The following DUSP22 variants were observed in gnomAD, a reference collection of about 807,000 sequenced individuals.
DUSP22 encodes dual specificity protein phosphatase 22.
Under a neutral mutation model 24.5 loss-of-function variants are expected in DUSP22, and 24 were observed. The observed-to-expected ratio is 0.98, with a 90% CI of 0.71 to 1.38. DUSP22 has a LOEUF of 1.38. Ranked by LOEUF, DUSP22 falls within the 40% of genes most tolerant of loss-of-function variation. The pLI is 0.00. For synonymous variants in DUSP22, 160 were observed against 106.4 expected, an observed-to-expected ratio of 1.50 and a Z score of -3.10; for missense variants, 330 against 269.2, an observed-to-expected ratio of 1.23 and a Z score of -1.58.
chr6:302,124 A>G (rs574870654), intron 1 of DUSP22, among the ~76,000 whole-genome samples: 759 of 152,174 alleles, frequency 5.0e-3, no homozygotes, highest in Non-Finnish European at 8.5e-3. Context: ...GCCCTCCTCC[A>G]GGACCCCGCC....
intron 5 of DUSP22, among the ~76,000 whole-genome samples, chr6:347,618 A>T (rs1313214698): frequency 6.6e-6 from 1 of 152,312 alleles, no homozygotes; most frequent in East Asian, 1.9e-4. Context: ...AAGATTGGGT[A>T]AGGGCTTCTC....
chr6:344,726 G>C (rs1422824129), intron 4 of DUSP22, among the ~76,000 whole-genome samples: 1 of 152,308 alleles, frequency 6.6e-6, no homozygotes, highest in African/African-American at 2.4e-5. Context: ...GGCAAAGAGG[G>C]ATTGGAGCCA....
intron 1 of DUSP22, among the ~76,000 whole-genome samples, chr6:299,897 C>G (rs1440723006): frequency 6.6e-6 from 1 of 152,298 alleles, no homozygotes; most frequent in African/African-American, 2.4e-5. Context: ...AGGCTTCACT[C>G]ATCATCATTT....
chr6:294,046 A>G (rs975464185), intron 1 of DUSP22, among the ~76,000 whole-genome samples: 3 of 152,184 alleles, frequency 2.0e-5, no homozygotes, highest in African/African-American at 7.2e-5. Context: ...TGAGCTGTTC[A>G]CTCTCCACCG....
chr6:312,052 C>G, intron 3 of DUSP22, 90 bp downstream of exon 3: 3 of 1,341,772 alleles, frequency 2.2e-6, no homozygotes, highest in Middle Eastern at 3.7e-4. Flanking sequence ...CAGGTTCTCT[C>G]CAATGCGAAC....
intron 3 of DUSP22, among the ~76,000 whole-genome samples, chr6:323,246 G>GTT (rs1758695148): frequency 6.6e-6 from 1 of 151,660 alleles, no homozygotes; most frequent in Admixed American, 6.6e-5. Context: ...GTGCATGTGT[G>GTT]TGTGTGTGTG....
chr6:347,203 T>C (rs1162313757), intron 5 of DUSP22, among the ~76,000 whole-genome samples: 3 of 152,420 alleles, frequency 2.0e-5, no homozygotes, highest in Non-Finnish European at 4.4e-5. Flanking sequence ...GGATCTGTCT[T>C]TTAAGATCTC....
At chr6:320,811 C>T (rs1758551620) in intron 3 of DUSP22, among the ~76,000 whole-genome samples, 1 of 152,284 alleles carries the variant, frequency 6.6e-6, no homozygotes, top group Non-Finnish European at 1.5e-5. Flanking sequence ...AGGCGGTGGT[C>T]AGTACGGGTG....
intron 4 of DUSP22, chr6:338,100 T>A (rs1490599044): frequency 6.6e-6 from 1 of 152,486 alleles, no homozygotes; most frequent in East Asian, 1.9e-4. Flanking sequence ...AAGTGGACAC[T>A]CTGCTGTTGG....
rs1322377107 is a variant in DUSP22 at position 350,709 on chromosome 6, G to C, written c.*1758G>C. The C allele has an allele frequency of 1.3e-6, 2 of 1,598,810 alleles. No individual in the cohort carries two copies. Among genetic ancestry groups the C allele is most frequent in the Admixed American group, 3.5e-5 (2 of 57,312 alleles). On this transcript the variant is annotated 3_prime_UTR_variant, in exon 7 of 7. Transcript: ENST00000419235. ...AATACGTTAACAGAAAAATGATTTA[G>C]GATATAGCTTGAATGCTTAAATATG... is the stretch of plus-strand genomic sequence containing the variant.
At chr6:325,634 A>G (rs1181551606) in intron 3 of DUSP22, 3 of 212,400 alleles carry the variant, frequency 1.4e-5, no homozygotes, top group Non-Finnish European at 1.8e-5. Flanking sequence ...GCCTGGAGTC[A>G]TCTGCCCTGG....
intron 2 of DUSP22, among the ~76,000 whole-genome samples, chr6:310,434 AG>A (rs1758026884): frequency 6.6e-6 from 1 of 152,296 alleles, no homozygotes; most frequent in African/African-American, 2.4e-5. Flanking sequence ...TTTTGCAGGT[AG>A]GGACATTGGA....
intron 2 of DUSP22, among the ~76,000 whole-genome samples, chr6:310,164 G>C (rs2127396784): frequency 6.6e-6 from 1 of 152,414 alleles, no homozygotes; most frequent in East Asian, 1.9e-4. Flanking sequence ...TTTCGCCGTG[G>C]TGACCAGGCT....
chr6:347,297 G>GT (rs1759930303), intron 5 of DUSP22, among the ~76,000 whole-genome samples: 1 of 152,308 alleles, frequency 6.6e-6, no homozygotes, highest in African/African-American at 2.4e-5. Context: ...ATTTGAATAT[G>GT]TGTAGGCCTG....
intron 4 of DUSP22, among the ~76,000 whole-genome samples, chr6:342,182 G>T (rs1759637764): frequency 6.6e-6 from 1 of 152,306 alleles, no homozygotes; most frequent in African/African-American, 2.4e-5. Context: ...GGTCTTTGCA[G>T]TGTGTTCTGA....
chr6:335,926 C>A (rs1030073465), intron 4 of DUSP22, among the ~76,000 whole-genome samples: 2 of 152,308 alleles, frequency 1.3e-5, no homozygotes, highest in Admixed American at 1.3e-4. Flanking sequence ...GTTATTTTAA[C>A]TCTGCACCTA....
Position 350,995 on chromosome 6 carries a change from T to C in DUSP22, c.*2044T>C. On this transcript the variant is annotated 3_prime_UTR_variant, in exon 7 of 7. Coordinates refer to ENST00000419235, the MANE Select transcript of DUSP22 (RefSeq NM_001286555.3). ...AACTTGTTTTTCATTTGAAGCTGAA[T>C]ATATACGTAGTCATGTTTATGTTGA... The C allele has an allele frequency of 7.6e-7, 1 of 1,317,866 alleles. No homozygotes were observed. The highest frequency in any genetic ancestry group is 1.1e-6 in the Non-Finnish European group (1 of 924,300). 81.6% of individuals were successfully genotyped at this position (1,317,866 alleles called of 1,614,324 possible).
intron 2 of DUSP22, among the ~76,000 whole-genome samples, chr6:308,175 C>T (rs576988881): frequency 1.3e-4 from 20 of 151,276 alleles, no homozygotes; most frequent in African/African-American, 3.9e-4. Context: ...GCTCTGCTGC[C>T]GGTTGGAGGA....
intron 4 of DUSP22, among the ~76,000 whole-genome samples, chr6:341,618 G>A (rs1394889369): frequency 6.6e-6 from 1 of 152,304 alleles, no homozygotes; most frequent in Non-Finnish European, 1.5e-5. Flanking sequence ...GTGGGGCTCT[G>A]AGCGGCCGCC....
Sources: gnomAD v4.1 joint callset for allele counts (sites outside exome capture counted in the v4.1 genomes callset) on GRCh38, gnomAD v4.1.1 for gene constraint, MANE v1.5 for transcripts, NCBI Gene and HGNC (gene_info 2026-07-23, HGNC 2026-07-21) for gene names.